Variants in OSTF1 observed in about 807,000 individuals in gnomAD.
OSTF1 encodes osteoclast stimulating factor 1, also known as osteoclast-stimulating factor 1.
A neutral mutation model predicts 37.2 loss-of-function variants in OSTF1; 27 were observed. That is an observed-to-expected ratio of 0.73 (90% CI 0.54 to 1.00). OSTF1 has a LOEUF of 1.00. Ranked by LOEUF, OSTF1 falls within the 50% of genes least tolerant of loss-of-function variation. The pLI is 0.00. For missense variants in OSTF1, 232 were observed against 253.8 expected (o/e 0.91, Z 0.58); for synonymous variants, 82 against 89.2 (o/e 0.92, Z 0.46).
At chr9:75,102,934 A>T (rs1185667606) in intron 1 of OSTF1, among the ~76,000 whole-genome samples, 1 of 152,146 alleles carries the variant, frequency 6.6e-6, no homozygotes, top group African/African-American at 2.4e-5. Flanking sequence ...TTTCATGATG[A>T]AGTGAGGAAG....
chr9:75,101,205 C>T (rs1363385702), intron 1 of OSTF1, among the ~76,000 whole-genome samples: 1 of 152,150 alleles, frequency 6.6e-6, no homozygotes, highest in African/African-American at 2.4e-5. Context: ...GCTGTCTAGG[C>T]GGAGCCCTGG....
chr9:75,109,099 A>G (rs1204612262), intron 1 of OSTF1, among the ~76,000 whole-genome samples: 1 of 144,986 alleles, frequency 6.9e-6, no homozygotes, highest in Non-Finnish European at 1.5e-5. Context: ...TGCAGCCTCC[A>G]CCTGCTGTGT....
At chr9:75,093,464 A>G (rs1282001456) in intron 1 of OSTF1, among the ~76,000 whole-genome samples, 2 of 152,214 alleles carry the variant, frequency 1.3e-5, no homozygotes, top group African/African-American at 4.8e-5. Flanking sequence ...AGGTTTGGTA[A>G]CTATCTATTG....
intron 1 of OSTF1, among the ~76,000 whole-genome samples, chr9:75,113,594 G>A (rs913746139): frequency 6.6e-6 from 1 of 152,054 alleles, no homozygotes; most frequent in Non-Finnish European, 1.5e-5. Flanking sequence ...TACTACAAGT[G>A]CATGTCATCA....
intron 1 of OSTF1, 71 bp downstream of exon 1, chr9:75,088,797 G>C (rs922113119): frequency 1.4e-6 from 2 of 1,465,438 alleles, no homozygotes; most frequent in African/African-American, 2.8e-5. Context: ...TCTGCAGCTT[G>C]GCAGGGAGGA....
At chr9:75,133,179 C>A in intron 5 of OSTF1, 115 bp from the exon 6 acceptor site, 2 of 635,208 alleles carry the variant, frequency 3.1e-6, no homozygotes, top group Non-Finnish European at 2.8e-6. Context: ...TAATTTAATA[C>A]TTGCTGATTA....
At chr9:75,130,763 T>G in intron 4 of OSTF1, 122 bp downstream of exon 4, 1 of 675,220 alleles carries the variant, frequency 1.5e-6, no homozygotes, top group Admixed American at 2.1e-5. Flanking sequence ...CTAGGACATT[T>G]TCTATTCCAT....
At chr9:75,097,998 C>T (rs1825118714) in intron 1 of OSTF1, among the ~76,000 whole-genome samples, 1 of 151,984 alleles carries the variant, frequency 6.6e-6, no homozygotes, top group Non-Finnish European at 1.5e-5. Flanking sequence ...GTTAGGACTG[C>T]AGTTGTGCAT....
At chr9:75,100,593 T>C (rs1452314217) in intron 1 of OSTF1, among the ~76,000 whole-genome samples, 3 of 151,788 alleles carry the variant, frequency 2.0e-5, no homozygotes, top group African/African-American at 7.3e-5. Flanking sequence ...AGCCGGGCCG[T>C]GGTGGCGCAT....
intron 1 of OSTF1, among the ~76,000 whole-genome samples, chr9:75,105,500 C>A (rs949118362): frequency 1.3e-5 from 2 of 152,134 alleles, no homozygotes; most frequent in African/African-American, 4.8e-5. Flanking sequence ...TCTTGAAATA[C>A]TATTTTTCAT....
intron 8 of OSTF1, among the ~76,000 whole-genome samples, chr9:75,139,060 T>TCTTTCTTTCTTTC (rs1187745291): frequency 7.0e-6 from 1 of 142,800 alleles, no homozygotes; most frequent in African/African-American, 2.9e-5. Context: ...CTTTCTTTTT[T>TCTTTCTTTCTTTC]TTTTGAAACT....
chr9:75,120,680 G>A (rs943304769), intron 2 of OSTF1, among the ~76,000 whole-genome samples: 1 of 151,870 alleles, frequency 6.6e-6, no homozygotes, highest in Non-Finnish European at 1.5e-5. Flanking sequence ...TCCATCTGTC[G>A]TCTGAGCTAG....
Position 75,131,803 on chromosome 9 carries a change from T to C in OSTF1, c.230T>C (p.Leu77Ser). 1 of 1,613,614 alleles carries C rather than the reference T, an allele frequency of 6.2e-7. No individual in the cohort carries two copies. The highest frequency in any genetic ancestry group is 8.5e-7 in the Non-Finnish European group (1 of 1,179,592). Residue 77 changes from leucine (L) to serine (S), a missense_variant, in exon 5 of 10, where the codon TTG (leucine) becomes TCG (serine). Transcript: ENST00000346234. The part of the protein sequence containing the change: ...AEQAESIDNP[L>S]HEAAKRGNLS... ...CAGGCAGAATCCATTGACAATCCAT[T>C]GCATGAAGCAGCAAAAAGAGGTAGG...
At chr9:75,119,148 C>T (rs895984100) in intron 2 of OSTF1, among the ~76,000 whole-genome samples, 1 of 152,250 alleles carries the variant, frequency 6.6e-6, no homozygotes, top group African/African-American at 2.4e-5. Flanking sequence ...CTTTTACTTA[C>T]TGCGTGAATT....
At chr9:75,115,300 A>G (rs1458764066) in intron 1 of OSTF1, among the ~76,000 whole-genome samples, 1 of 151,912 alleles carries the variant, frequency 6.6e-6, no homozygotes, top group East Asian at 1.9e-4. Context: ...TATTATTATT[A>G]TATTATTTTG....
intron 1 of OSTF1, among the ~76,000 whole-genome samples, chr9:75,113,309 G>A (rs939218927): frequency 6.6e-5 from 10 of 152,122 alleles, no homozygotes; most frequent in Non-Finnish European, 1.2e-4. Context: ...CGCAATTGGT[G>A]CTCTCATTCA....
chr9:75,109,251 A>G (rs1825343775), intron 1 of OSTF1, among the ~76,000 whole-genome samples: 1 of 152,068 alleles, frequency 6.6e-6, no homozygotes, highest in Admixed American at 6.6e-5. Context: ...ATCTCAAGTG[A>G]TCTGCCCGCC....
At chr9:75,098,522 C>G (rs992846486) in intron 1 of OSTF1, among the ~76,000 whole-genome samples, 1 of 152,014 alleles carries the variant, frequency 6.6e-6, no homozygotes, top group Non-Finnish European at 1.5e-5. Context: ...TCCAAGGAGA[C>G]CCTTGCAAAA....
At chr9:75,141,255 C>T (rs1281377868) in intron 9 of OSTF1, among the ~76,000 whole-genome samples, 2 of 139,658 alleles carry the variant, frequency 1.4e-5, no homozygotes, top group East Asian at 2.2e-4. Context: ...GAGCTGTGAT[C>T]GCACCACTGC....
Sources: allele counts gnomAD v4.1 joint callset (sites outside exome capture counted in the v4.1 genomes callset), GRCh38; gene constraint gnomAD v4.1.1; transcripts MANE v1.5; gene names NCBI Gene and HGNC (gene_info 2026-07-23, HGNC 2026-07-21).